Variants in KLHL28 observed in about 807,000 individuals in gnomAD.
KLHL28 encodes kelch-like protein 28.
A neutral mutation model predicts 48.3 loss-of-function variants in KLHL28; 22 were observed. The ratio of observed to expected loss-of-function variants is 0.46; its 90% CI spans 0.33 to 0.65. The LOEUF (loss-of-function observed/expected upper bound fraction) is 0.65, where lower values mean the gene tolerates loss of function less well. Ranked by LOEUF, KLHL28 falls within the 30% of genes least tolerant of loss-of-function variation. The pLI is 0.03. For synonymous variants in KLHL28, 243 were observed against 242.4 expected, an observed-to-expected ratio of 1.00 and a Z score of -0.02; for missense variants, 527 against 704.3, an observed-to-expected ratio of 0.75 and a Z score of 2.85.
intron 2 of KLHL28, among the ~76,000 whole-genome samples, chr14:44,944,522 AAAC>A (rs1884239217): frequency 1.3e-5 from 2 of 152,232 alleles, no homozygotes; most frequent in Admixed American, 1.3e-4. Flanking sequence ...ACACTGAAGA[AAAC>A]AAATTACACT....
intron 2 of KLHL28, among the ~76,000 whole-genome samples, chr14:44,936,012 T>C (rs986383090): frequency 1.2e-4 from 18 of 150,756 alleles, no homozygotes; most frequent in Non-Finnish European, 4.4e-5. Flanking sequence ...CTATATTCAT[T>C]CACTCAATAG....
At position 44,928,439 on chromosome 14, in the gene KLHL28, T is replaced by G. The variant is rs1160551762; in HGVS notation, c.*589A>C. The G allele has an allele frequency of 1.3e-5, 2 of 152,250 alleles. No homozygotes were observed. The highest frequency in any genetic ancestry group is 2.9e-5 in the Non-Finnish European group (2 of 68,014). The allele number at this position is 152,250 out of a possible 1,614,324, so 9.4% of individuals were successfully genotyped here. ...GCAATTGTCTTAAAAATTTATTACA[T>G]CCGTAGCCCTAAAACCATTTAGCAG... On this transcript the variant is annotated 3_prime_UTR_variant, in exon 5 of 5. Transcript: ENST00000396128.
intron 3 of KLHL28, among the ~76,000 whole-genome samples, chr14:44,932,254 G>T (rs376557285): frequency 2.1e-5 from 2 of 96,664 alleles, no homozygotes; most frequent in East Asian, 3.8e-4. Context: ...GAGGGGTGGG[G>T]GGTGGGGAGA....
At chr14:44,943,986 A>G (rs191280117) in intron 2 of KLHL28, among the ~76,000 whole-genome samples, 59 of 152,298 alleles carry the variant, frequency 3.9e-4, no homozygotes, top group Middle Eastern at 3.4e-3. Flanking sequence ...AAGTGCTGGG[A>G]TTACAGGTAT....
At chr14:44,958,923 A>G (rs1231864507) in intron 1 of KLHL28, among the ~76,000 whole-genome samples, 4 of 152,076 alleles carry the variant, frequency 2.6e-5, no homozygotes, top group Non-Finnish European at 4.4e-5. Context: ...ACTCATATAC[A>G]TCAAGAAAAC....
rs763456062 is a variant in KLHL28 at position 44,927,862 on chromosome 14, G to A, written c.*1166C>T. On this transcript the variant is annotated 3_prime_UTR_variant, in exon 5 of 5. Transcript: ENST00000396128. The stretch of plus-strand genomic sequence containing the variant: ...AGACATGTAATATCTAGCACAAGAA[G>A]AAAGAAGATCAAAAGTGTAACTTTC... 1 of 152,522 alleles carries A rather than the reference G, an allele frequency of 6.6e-6. No individual in the cohort carries two copies. Among genetic ancestry groups the A allele is most frequent in the Non-Finnish European group, 1.5e-5 (1 of 67,964 alleles). 9.4% of individuals were successfully genotyped at this position (152,522 alleles called of 1,614,324 possible). A position where few individuals can be genotyped will look rare whatever the true frequency, so the allele number is the denominator to read the frequency against.
Position 44,929,073 on chromosome 14 carries a change from A to C in KLHL28, c.1671T>G (p.Ala557=). 6.2e-7 allele frequency: 1 copy of C among 1,614,086 alleles called. No individual in the cohort carries two copies. Among genetic ancestry groups the C allele is most frequent in the African/African-American group, 1.3e-5 (1 of 75,034 alleles). The change falls in exon 5 of 5, where the codon GCT becomes GCG. Residue 557 remains alanine, a synonymous_variant. Coordinates refer to ENST00000396128, the MANE Select transcript of KLHL28 (RefSeq NM_017658.5). ...AGTTGCAGCGACAGTATATCATGCC[A>C]GCTGAATCCAGCCACGTATCTGAGA... ...DPISDTWLDS[A]GMIYCRCNFG...
At chr14:44,960,839 T>C (rs941454468) in intron 1 of KLHL28, 12 of 1,051,336 alleles carry the variant, frequency 1.1e-5, no homozygotes, top group Non-Finnish European at 1.7e-5. Flanking sequence ...TTGGCATATG[T>C]GACTCATTTA....
chr14:44,949,866 G>T (rs1175813862), intron 1 of KLHL28, among the ~76,000 whole-genome samples: 2 of 152,098 alleles, frequency 1.3e-5, no homozygotes, highest in Admixed American at 6.5e-5. Context: ...TGCATTAACA[G>T]AACTATAATA....
chr14:44,945,871 G>A lies in KLHL28; in HGVS notation c.58C>T (p.Gln20Ter), dbSNP rs1279850225. 6.2e-7 allele frequency: 1 copy of A among 1,614,158 alleles called. No homozygotes were observed. Among genetic ancestry groups the A allele is most frequent in the Non-Finnish European group, 8.5e-7 (1 of 1,180,000 alleles). ...AGAAGATTCAAGCCCTGCAGAAGTT[G>A]TTCAGAATGCAAGTGGGTTAAGTTA... ...LANLTHLHSE[Q>*]LLQGLNLLRQ... The change falls in exon 2 of 5, where the codon CAA becomes TAA. Residue 20 changes from glutamine to a stop codon, truncating the protein, a stop_gained. Transcript: ENST00000396128. LOFTEE classifies it high-confidence loss of function.
intron 1 of KLHL28, among the ~76,000 whole-genome samples, chr14:44,946,823 G>A (rs8010366): frequency 0.048 from 7,340 of 152,092 alleles, 584 homozygotes; most frequent in African/African-American, 0.17. Flanking sequence ...CTCAAAGTGC[G>A]GGGATTACAG....
In KLHL28 at chr14:44,931,221, T is replaced by C. The variant is rs895582225; in HGVS notation, c.1552+112A>G. 2.8e-5 allele frequency: 17 copies of C among 603,152 alleles called. No homozygotes were observed. The East Asian group carries it at 5.1e-4, about 18-fold the overall frequency. 37.4% of individuals were successfully genotyped at this position (603,152 alleles called of 1,614,324 possible). A position where few individuals can be genotyped will look rare whatever the true frequency, so the allele number is the denominator to read the frequency against. Reference sequence around the variant, plus strand: ...ACCACATACAAGTCTTTTTTTTTTTTTTTCTGGACAAGTAATATTCCTACT... The same window carrying C: ...ACCACATACAAGTCTTTTTTTTTTTCTTTCTGGACAAGTAATATTCCTACT... On this transcript the variant is annotated intron_variant, in intron 4 of 4. Transcript: ENST00000396128.
Position 44,925,433 on chromosome 14 carries a change from T to A in KLHL28, c.*3595A>T, listed in dbSNP as rs1002613304. 6.6e-6 allele frequency: 1 copy of A among 152,132 alleles called. No homozygotes were observed. Among genetic ancestry groups the A allele is most frequent in the African/African-American group, 2.4e-5 (1 of 41,462 alleles). 9.4% of individuals were successfully genotyped at this position (152,132 alleles called of 1,614,324 possible). Reference sequence around the variant, plus strand: ...GGAGTTCTATAAATATTAGGTTTTTTAATATTTCTTTTTCATGCCAATAAA... The same window carrying A: ...GGAGTTCTATAAATATTAGGTTTTTAAATATTTCTTTTTCATGCCAATAAA... On this transcript the variant is annotated 3_prime_UTR_variant, in exon 5 of 5. Transcript: ENST00000396128.
In KLHL28 at chr14:44,926,034, C is replaced by A. The variant is rs1256492005; in HGVS notation, c.*2994G>T. ...TAAAATTATTTCTAATACTTTTAAT[C>A]CTGAGGATTTATAACCAAACATTTT... On this transcript the variant is annotated 3_prime_UTR_variant, in exon 5 of 5. Coordinates refer to ENST00000396128, the MANE Select transcript of KLHL28 (RefSeq NM_017658.5). 6.6e-6 allele frequency: 1 copy of A among 152,100 alleles called. No homozygotes were observed. The highest frequency in any genetic ancestry group is 1.5e-5 in the Non-Finnish European group (1 of 68,000). The allele number at this position is 152,100 out of a possible 1,614,324, so 9.4% of individuals were successfully genotyped here. A position where few individuals can be genotyped will look rare whatever the true frequency, so the allele number is the denominator to read the frequency against.
chr14:44,950,012 C>A lies in KLHL28; in HGVS notation c.1-4084G>T, dbSNP rs564935641. Among the ~76,000 whole-genome samples the A allele has an allele frequency of 1.2e-4, 19 of 152,116 alleles. 3 individuals are homozygous for A. The highest frequency in any genetic ancestry group is 3.9e-4 in the African/African-American group (16 of 41,508). ...CCTGATGAACAGCAGAAATTCAAAT[C>A]ATGTCTTACAGGTAATGGAACAGAG... On this transcript the variant is annotated intron_variant, in intron 1 of 4. Coordinates refer to ENST00000396128, the MANE Select transcript of KLHL28 (RefSeq NM_017658.5).
intron 1 of KLHL28, among the ~76,000 whole-genome samples, chr14:44,959,043 A>G (rs1884923214): frequency 6.6e-6 from 1 of 151,942 alleles, no homozygotes; most frequent in South Asian, 2.1e-4. Flanking sequence ...GATAGATTAA[A>G]ATATATATAA....
intron 3 of KLHL28, among the ~76,000 whole-genome samples, chr14:44,932,417 C>T (rs570538550): frequency 3.9e-5 from 6 of 152,144 alleles, no homozygotes; most frequent in East Asian, 1.9e-4. Flanking sequence ...TTTCAGAGAA[C>T]GTGTGGCATT....
intron 2 of KLHL28, among the ~76,000 whole-genome samples, chr14:44,935,874 G>A (rs375357874): frequency 0.041 from 915 of 22,176 alleles, 6 homozygotes; most frequent in Middle Eastern, 0.11. Context: ...GTATGTGTAT[G>A]TATATATATA....
At position 44,938,669 on chromosome 14, in the gene KLHL28, C is replaced by T. The variant is rs552891373; in HGVS notation, c.900-4111G>A. The stretch of plus-strand genomic sequence containing the variant: ...ACAAGCGTGAGCCACCGCGCCCGGC[C>T]GAAAACATTAAGTCTTAAAGCTGGT... On this transcript the variant is annotated intron_variant, in intron 2 of 4. Coordinates refer to ENST00000396128, the MANE Select transcript of KLHL28 (RefSeq NM_017658.5). Among the ~76,000 whole-genome samples the T allele has an allele frequency of 3.9e-5, 6 of 152,216 alleles. No homozygotes were observed. The East Asian group carries it at 5.8e-4, about 15-fold the overall frequency.
Sources: allele counts gnomAD v4.1 joint callset (sites outside exome capture counted in the v4.1 genomes callset), GRCh38; gene constraint gnomAD v4.1.1; transcripts MANE v1.5; gene names NCBI Gene and HGNC (gene_info 2026-07-23, HGNC 2026-07-21).